The following GOT2 variants were observed in gnomAD, a reference collection of about 807,000 sequenced individuals.
GOT2 encodes the protein glutamic-oxaloacetic transaminase 2, also known as aspartate aminotransferase, mitochondrial.
GOT2 carries 17 observed loss-of-function variants against 50.0 expected under a neutral mutation model. The observed-to-expected ratio is 0.34, with a 90% confidence interval of 0.23 to 0.51. GOT2 has a LOEUF of 0.51. GOT2 is among the 20% of genes least tolerant of loss of function. The pLI, the probability that GOT2 is intolerant of heterozygous loss-of-function variation, is 0.97. For missense variants in GOT2, 430 were observed against 559.6 expected, an observed-to-expected ratio of 0.77 and a Z score of 2.34; for synonymous variants, 172 against 204.9, an observed-to-expected ratio of 0.84 and a Z score of 1.37.
chr16:58,728,732 C>A (rs1261200929), intron 1 of GOT2, among the ~76,000 whole-genome samples: 3 of 152,172 alleles, frequency 2.0e-5, no homozygotes. Context: ...CCAGGCTGAA[C>A]TGTAGTGGCA....
In GOT2 at chr16:58,708,256, G is replaced by A. The variant is rs1232278039; in HGVS notation, c.1208C>T (p.Thr403Ile). The change falls in exon 10 of 10, where the codon ACA (threonine) becomes ATA (isoleucine). Residue 403 changes from threonine to isoleucine, a missense_variant. Thr to Ile is a moderately conservative substitution (Grantham distance 89). Coordinates refer to ENST00000245206, the MANE Select transcript of GOT2 (RefSeq NM_002080.4). ...TGCCACAGAGATGCGGCCATCTTTT[G>A]TCATGTAGATGGAGAACTCCTTGAT... The part of the protein sequence containing the change: ...RLIKEFSIYM[T>I]KDGRISVAGV... The A allele has an allele frequency of 6.2e-7, 1 of 1,613,850 alleles. No homozygotes were observed. Among genetic ancestry groups the A allele is most frequent in the Non-Finnish European group, 8.5e-7 (1 of 1,179,854 alleles).
chr16:58,718,294 G>C lies in GOT2; in HGVS notation c.604C>G (p.Pro202Ala). 6.2e-7 allele frequency: 1 copy of C among 1,612,576 alleles called. No individual in the cohort carries two copies. The highest frequency in any genetic ancestry group is 8.5e-7 in the Non-Finnish European group (1 of 1,178,594). ...TGAVEDISKIPEQSVLLLHAC... is the reference protein window; with the variant it reads ...TGAVEDISKIAEQSVLLLHAC... Reference sequence around the variant, plus strand: ...TGCAGAAGAAGAACACTCTGCTCTGGTATTTTCTAAAGAGAAAAACAGCCA... The same window carrying C: ...TGCAGAAGAAGAACACTCTGCTCTGCTATTTTCTAAAGAGAAAAACAGCCA... The change falls in exon 6 of 10, where the codon CCA becomes GCA. Residue 202 changes from proline to alanine, a missense_variant. Physicochemically the swap from Pro to Ala is conservative, Grantham distance 27 (BLOSUM62 -1). Coordinates refer to ENST00000245206, the MANE Select transcript of GOT2 (RefSeq NM_002080.4).
chr16:58,727,757 T>A (rs561243281), intron 1 of GOT2, among the ~76,000 whole-genome samples: 1 of 152,254 alleles, frequency 6.6e-6, no homozygotes, highest in African/African-American at 2.4e-5. Context: ...AGCTGAGTGC[T>A]AAGGCTGAAA....
intron 8 of GOT2, among the ~76,000 whole-genome samples, chr16:58,711,144 C>T (rs919902361): frequency 1.3e-5 from 2 of 152,056 alleles, no homozygotes; most frequent in African/African-American, 4.8e-5. Flanking sequence ...ATGAGCCAAG[C>T]TATTTTAGGT....
intron 8 of GOT2, among the ~76,000 whole-genome samples, chr16:58,714,003 C>T (rs1398378004): frequency 1.3e-5 from 2 of 152,152 alleles, no homozygotes; most frequent in Non-Finnish European, 2.9e-5. Flanking sequence ...CCCCTTTCTA[C>T]AGCAGTGTTT....
intron 1 of GOT2, among the ~76,000 whole-genome samples, chr16:58,732,228 C>G (rs550842368): frequency 6.6e-6 from 1 of 152,148 alleles, no homozygotes; most frequent in African/African-American, 2.4e-5. Flanking sequence ...CCACTTGAGC[C>G]TGGAAGGTCA....
At chr16:58,726,249 G>A (rs952992050) in intron 1 of GOT2, among the ~76,000 whole-genome samples, 3 of 152,070 alleles carry the variant, frequency 2.0e-5, no homozygotes, top group African/African-American at 4.8e-5. Context: ...GCAATGGTGC[G>A]ATCTCGGCTC....
intron 5 of GOT2, 69 bp downstream of exon 5, chr16:58,718,458 G>A: frequency 6.9e-7 from 1 of 1,442,296 alleles, no homozygotes; most frequent in Admixed American, 2.0e-5. Flanking sequence ...TTGGGACATG[G>A]TGGGAGACAT....
intron 3 of GOT2, among the ~76,000 whole-genome samples, chr16:58,720,770 G>C (rs909802874): frequency 6.7e-6 from 1 of 149,494 alleles, no homozygotes; most frequent in Admixed American, 6.6e-5. Flanking sequence ...GTAGAGACGG[G>C]GGGGCGGGTC....
Position 58,708,089 on chromosome 16 carries a change from CCT to C in GOT2, c.*80_*81del, listed in dbSNP as rs1226753848. The C allele has an allele frequency of 7.4e-7, 1 of 1,356,822 alleles. No homozygotes were observed. The highest frequency in any genetic ancestry group is 1.0e-6 in the Non-Finnish European group (1 of 971,398). The allele number at this position is 1,356,822 out of a possible 1,614,324, so 84.0% of individuals were successfully genotyped here. On this transcript the variant is annotated 3_prime_UTR_variant, in exon 10 of 10. Transcript: ENST00000245206. ...AAATGATCCACTCACCACCATCCAC[CCT>C]CTCTCATTGTCTGTGTGAAGCTCTC...
At chr16:58,719,299 A>G (rs759133936) in intron 3 of GOT2, 44 bp from the exon 4 acceptor site, 2 of 1,401,030 alleles carry the variant, frequency 1.4e-6, no homozygotes, top group Admixed American at 1.7e-5. Flanking sequence ...AACACTCTCT[A>G]TACAGGCCCA....
intron 1 of GOT2, among the ~76,000 whole-genome samples, chr16:58,726,277 C>A (rs989718193): frequency 1.3e-5 from 2 of 152,010 alleles, no homozygotes; most frequent in Non-Finnish European, 2.9e-5. Context: ...CATCCGCCTC[C>A]CGGGTTCAAG....
Position 58,708,098 on chromosome 16 carries a change from TTGTC to T in GOT2, c.*69_*72del. 2 of 1,467,240 alleles carry T rather than the reference TTGTC, an allele frequency of 1.4e-6. No homozygotes were observed. Among genetic ancestry groups the T allele is most frequent in the Non-Finnish European group, 1.9e-6 (2 of 1,063,634 alleles). The allele number at this position is 1,467,240 out of a possible 1,614,324, so 90.9% of individuals were successfully genotyped here. A position where few individuals can be genotyped will look rare whatever the true frequency, so the allele number is the denominator to read the frequency against. On this transcript the variant is annotated 3_prime_UTR_variant, in exon 10 of 10. Coordinates refer to ENST00000245206, the MANE Select transcript of GOT2 (RefSeq NM_002080.4). ...ACTCACCACCATCCACCCTCTCTCA[TTGTC>T]TGTGTGAAGCTCTCAATAGCAGAGG...
intron 7 of GOT2, 43 bp downstream of exon 7, chr16:58,716,620 T>C: frequency 6.3e-7 from 1 of 1,585,118 alleles, no homozygotes. Flanking sequence ...TGGCATTCTC[T>C]CCCAGCATGA....
intron 7 of GOT2, 55 bp downstream of exon 7, chr16:58,716,608 C>T (rs916244855): frequency 1.7e-5 from 26 of 1,503,032 alleles, no homozygotes; most frequent in Non-Finnish European, 2.1e-5. Flanking sequence ...TCTATGCCCT[C>T]GTGGCATTCT....
At chr16:58,723,545 T>A (rs975927181) in intron 2 of GOT2, among the ~76,000 whole-genome samples, 3 of 152,130 alleles carry the variant, frequency 2.0e-5, no homozygotes, top group Non-Finnish European at 4.4e-5. Context: ...AAGTTCAATC[T>A]TGGGAAAAAA....
chr16:58,709,298 CAAAACAAAACAAAAA>C, intron 9 of GOT2, 104 bp downstream of exon 9: 1 of 909,768 alleles, frequency 1.1e-6, no homozygotes, highest in Non-Finnish European at 1.6e-6. Flanking sequence ...CAAAACAAAA[CAAAACAAAACAAAAA>C]ACCCGAAAAC....
chr16:58,730,352 AG>A (rs1419752312), intron 1 of GOT2, among the ~76,000 whole-genome samples: 1 of 151,526 alleles, frequency 6.6e-6, no homozygotes, highest in Non-Finnish European at 1.5e-5. Flanking sequence ...ACCCTCAGGT[AG>A]GCTCCAGTGT....
chr16:58,734,277 G>A lies in GOT2; in HGVS notation c.-49C>T. ...GCAGCCGCAGGACGGAGCAGAGGGC[G>A]AGCGGACACACACACAGGGAACCGG... On this transcript the variant is annotated 5_prime_UTR_variant, in exon 1 of 10. Transcript: ENST00000245206. 1.2e-5 allele frequency: 12 copies of A among 1,025,360 alleles called. No homozygotes were observed. Among genetic ancestry groups the A allele is most frequent in the Middle Eastern group, 3.5e-4 (1 of 2,874 alleles). 63.5% of individuals were successfully genotyped at this position (1,025,360 alleles called of 1,614,324 possible).
Sources: gnomAD v4.1 joint callset for allele counts (sites outside exome capture counted in the v4.1 genomes callset) on GRCh38, gnomAD v4.1.1 for gene constraint, MANE v1.5 for transcripts, NCBI Gene and HGNC (gene_info 2026-07-23, HGNC 2026-07-21) for gene names.